BDH2: variants seen among roughly 807,000 people sequenced by gnomAD.
The protein encoded by BDH2 is dehydrogenase/reductase SDR family member 6.
In BDH2, 24 loss-of-function variants were observed where a neutral mutation model predicts 33.2. The observed-to-expected ratio is 0.72, with a 90% CI of 0.52 to 1.02. The LOEUF (loss-of-function observed/expected upper bound fraction) is 1.02, where lower values mean the gene tolerates loss of function less well. BDH2 is among the 50% of genes least tolerant of loss of function. The pLI, the probability that BDH2 is intolerant of heterozygous loss-of-function variation, is 0.00. For missense variants in BDH2, 249 were observed against 301.6 expected (o/e 0.83, Z 1.29); for synonymous variants, 81 against 101.6 (o/e 0.80, Z 1.22).
At chr4:103,089,190 G>A (rs944524314) in intron 5 of BDH2, among the ~76,000 whole-genome samples, 5 of 152,184 alleles carry the variant, frequency 3.3e-5, no homozygotes, top group Admixed American at 6.5e-5. Flanking sequence ...TCTAACATGG[G>A]ATATGTGTGT....
chr4:103,093,679 AC>A (rs1303771493), intron 3 of BDH2, among the ~76,000 whole-genome samples: 1 of 147,508 alleles, frequency 6.8e-6, no homozygotes, highest in Non-Finnish European at 1.5e-5. Context: ...TATAATATAT[AC>A]AATGTATTAA....
At chr4:103,095,061 T>C (rs866840252) in intron 3 of BDH2, 142 bp downstream of exon 3, 3 of 583,878 alleles carry the variant, frequency 5.1e-6, no homozygotes, top group Non-Finnish European at 9.0e-6. Context: ...TCACAAAATA[T>C]AGATTTCATA....
chr4:103,091,368 A>C, intron 4 of BDH2, 83 bp from the exon 5 acceptor site: 1 of 847,070 alleles, frequency 1.2e-6, no homozygotes, highest in Non-Finnish European at 2.0e-6. Context: ...ATTGTCACTT[A>C]GTGACTTAGA....
chr4:103,087,754 G>A (rs1046708597), intron 5 of BDH2, among the ~76,000 whole-genome samples: 1 of 152,064 alleles, frequency 6.6e-6, no homozygotes, highest in Non-Finnish European at 1.5e-5. Context: ...AAAGAAAACT[G>A]CTATGAATTT....
At chr4:103,087,072 C>A (rs140214428) in intron 5 of BDH2, among the ~76,000 whole-genome samples, 1 of 152,048 alleles carries the variant, frequency 6.6e-6, no homozygotes, top group African/African-American at 2.4e-5. Flanking sequence ...TCAGGCTGGG[C>A]GACACTCAGA....
intron 5 of BDH2, among the ~76,000 whole-genome samples, chr4:103,090,172 C>T (rs1425980607): frequency 6.6e-6 from 1 of 152,096 alleles, no homozygotes; most frequent in East Asian, 1.9e-4. Flanking sequence ...GGCTCTGTAC[C>T]CAGTCAACCC....
chr4:103,081,282 C>A (rs984511611), intron 9 of BDH2, among the ~76,000 whole-genome samples: 9 of 152,216 alleles, frequency 5.9e-5, no homozygotes, highest in African/African-American at 2.2e-4. Flanking sequence ...CGATGATGAA[C>A]AAGTAAGAAT....
At chr4:103,085,565 C>T (rs1747741848) in intron 6 of BDH2, 103 bp from the exon 7 acceptor site, 35 of 1,416,512 alleles carry the variant, frequency 2.5e-5, no homozygotes, top group Non-Finnish European at 2.4e-5. Context: ...TTCATGCTTT[C>T]TCCCACATTC....
At chr4:103,089,132 A>T (rs1185541686) in intron 5 of BDH2, among the ~76,000 whole-genome samples, 1 of 152,204 alleles carries the variant, frequency 6.6e-6, no homozygotes, top group East Asian at 1.9e-4. Flanking sequence ...TGACCAGCTG[A>T]CCTTCCAGAG....
intron 8 of BDH2, 74 bp from the exon 9 acceptor site, chr4:103,082,247 G>C: frequency 7.6e-7 from 1 of 1,318,038 alleles, no homozygotes; most frequent in South Asian, 1.2e-5. Flanking sequence ...TGTTCAAGGA[G>C]TTAAAGGCAA....
chr4:103,086,337 C>T, intron 6 of BDH2, 143 bp downstream of exon 6: 1 of 1,363,938 alleles, frequency 7.3e-7, no homozygotes, highest in Non-Finnish European at 9.5e-7. Flanking sequence ...GGTTAAGGAA[C>T]TTAATACCAA....
intron 2 of BDH2, 33 bp from the exon 3 acceptor site, chr4:103,095,314 T>A (rs779106840): frequency 1.5e-5 from 23 of 1,523,962 alleles, no homozygotes; most frequent in Admixed American, 3.4e-5. Flanking sequence ...AAATCCTTTG[T>A]TTACTTGAAT....
intron 6 of BDH2, chr4:103,085,770 GATT>G: frequency 7.5e-7 from 1 of 1,334,558 alleles, no homozygotes; most frequent in Non-Finnish European, 9.8e-7. Context: ...AGAAAATGAA[GATT>G]AATAACAAAA....
chr4:103,098,875 TAAGAAC>T (rs1203612525), intron 1 of BDH2: 1 of 152,188 alleles, frequency 6.6e-6, no homozygotes, highest in African/African-American at 2.4e-5. Flanking sequence ...CACAATTATG[TAAGAAC>T]TGGCTCCAGG....
chr4:103,085,077 TTA>T (rs1478178014), intron 7 of BDH2, among the ~76,000 whole-genome samples: 1 of 152,186 alleles, frequency 6.6e-6, no homozygotes, highest in Non-Finnish European at 1.5e-5. Flanking sequence ...ACATCTACGG[TTA>T]TTGTGAAAAT....
Position 103,082,528 on chromosome 4 carries a change from G to A in BDH2, c.591+343C>T, listed in dbSNP as rs573572548. On this transcript the variant is annotated intron_variant, in intron 8 of 9. Transcript: ENST00000296424. ...ACACTGTTGTGCCACCATCACCACT[G>A]TCCATCTCCAGAACTCTTATTTTTA... 8.5e-5 allele frequency among the ~76,000 whole-genome samples: 13 copies of A among 152,140 alleles called. No individual in the cohort carries two copies. In the East Asian group the frequency reaches 2.5e-3, roughly 29 times the overall value.
chr4:103,080,403 C>G (rs1028819597), intron 9 of BDH2, among the ~76,000 whole-genome samples: 2 of 152,038 alleles, frequency 1.3e-5, no homozygotes, highest in Non-Finnish European at 2.9e-5. Flanking sequence ...TTTTCATTTT[C>G]TAAATAAGGC....
intron 9 of BDH2, 32 bp downstream of exon 9, chr4:103,082,049 G>C: frequency 2.6e-6 from 4 of 1,564,094 alleles, no homozygotes; most frequent in Non-Finnish European, 3.5e-6. Context: ...GTGATTGAGG[G>C]TAATGAACTC....
intron 8 of BDH2, among the ~76,000 whole-genome samples, chr4:103,082,661 A>G (rs1747578804): frequency 6.6e-6 from 1 of 152,068 alleles, no homozygotes; most frequent in African/African-American, 2.4e-5. Flanking sequence ...GGCTCAAGCG[A>G]TCCCCCAGCC....
Sources: gnomAD v4.1 joint callset for allele counts (sites outside exome capture counted in the v4.1 genomes callset) on GRCh38, gnomAD v4.1.1 for gene constraint, MANE v1.5 for transcripts, NCBI Gene and HGNC (gene_info 2026-07-23, HGNC 2026-07-21) for gene names.